Variants in ZKSCAN7 observed in about 807,000 individuals in gnomAD.
The protein encoded by ZKSCAN7 is zinc finger protein with KRAB and SCAN domains 7.
A neutral mutation model predicts 65.3 loss-of-function variants in ZKSCAN7; 38 were observed. The ratio of observed to expected loss-of-function variants is 0.58; its 90% confidence interval spans 0.45 to 0.76. The LOEUF is 0.76. Among genes scored for constraint, ZKSCAN7 ranks in the 30% least tolerant of loss-of-function variants. The probability of loss-of-function intolerance (pLI) is 0.00; values close to 1 mark genes in which losing one functional copy is unlikely to be tolerated. For synonymous variants in ZKSCAN7, 321 were observed against 321.0 expected, an observed-to-expected ratio of 1.00 and a Z score of 0.00; for missense variants, 815 against 913.3, an observed-to-expected ratio of 0.89 and a Z score of 1.39.
At chr3:44,579,762 C>T (rs1027612749) in intron 5 of ZKSCAN7, among the ~76,000 whole-genome samples, 2 of 152,200 alleles carry the variant, frequency 1.3e-5, no homozygotes, top group African/African-American at 2.4e-5. Flanking sequence ...TCGGCTGCCT[C>T]CTCAGCCACT....
chr3:44,575,012 G>A (rs1699894966), downstream of ZKSCAN7, among the ~76,000 whole-genome samples: 1 of 152,144 alleles, frequency 6.6e-6, no homozygotes, highest in South Asian at 2.1e-4. Context: ...TCTGGGTCCA[G>A]TCAGGTGTGG....
In ZKSCAN7 at chr3:44,570,290, C is replaced by A. The variant is rs201321192; in HGVS notation, c.1180C>A (p.Arg394=). 1 of 1,614,162 alleles carries A rather than the reference C, an allele frequency of 6.2e-7. No individual in the cohort carries two copies. Among genetic ancestry groups the A allele is most frequent in the South Asian group, 1.1e-5 (1 of 91,074 alleles). ...RCDECGKAFN[R]SSHLIGHQRI... is the part of the protein sequence containing the mutation. ...TGATGAATGTGGCAAAGCTTTCAATCGGAGTTCTCACCTTATTGGCCATCA... is the reference window on the plus strand; with the variant it reads ...TGATGAATGTGGCAAAGCTTTCAATAGGAGTTCTCACCTTATTGGCCATCA... The change falls in exon 6 of 6, where the codon CGG becomes AGG. Residue 394 remains arginine (R), a synonymous_variant. Transcript: ENST00000426540.
intron 2 of ZKSCAN7, among the ~76,000 whole-genome samples, chr3:44,561,047 A>G (rs1332759311): frequency 6.6e-6 from 1 of 152,200 alleles, no homozygotes; most frequent in Non-Finnish European, 1.5e-5. Flanking sequence ...CCATATTAGA[A>G]TGAGGTTTTC....
chr3:44,571,638 T>C lies in ZKSCAN7; in HGVS notation c.*263T>C. The C allele has an allele frequency of 7.6e-7, 1 of 1,309,708 alleles. No homozygotes were observed. The highest frequency in any genetic ancestry group is 1.9e-5 in the South Asian group (1 of 51,876). The allele number at this position is 1,309,708 out of a possible 1,614,324, so 81.1% of individuals were successfully genotyped here. A position where few individuals can be genotyped will look rare whatever the true frequency, so the allele number is the denominator to read the frequency against. ...TAAATTTTAACTTTTAAAATCTATTTCATTTCTTAGTTATGCATCTCATAA... is the reference window on the plus strand; with the variant it reads ...TAAATTTTAACTTTTAAAATCTATTCCATTTCTTAGTTATGCATCTCATAA... On this transcript the variant is annotated 3_prime_UTR_variant, in exon 6 of 6. Coordinates refer to ENST00000426540, the MANE Select transcript of ZKSCAN7 (RefSeq NM_001288590.2).
intron 5 of ZKSCAN7, chr3:44,581,036 G>A (rs2125737181): frequency 1.3e-5 from 20 of 1,482,212 alleles, no homozygotes; most frequent in Non-Finnish European, 1.5e-5. Context: ...TGGTCGGCGC[G>A]GCGGCGGCGG....
chr3:44,581,731 C>T (rs771824556), intron 5 of ZKSCAN7, among the ~76,000 whole-genome samples: 10 of 152,156 alleles, frequency 6.6e-5, no homozygotes, highest in Non-Finnish European at 1.2e-4. Flanking sequence ...AGTGAAGGTG[C>T]TGGGAGTGGT....
In ZKSCAN7 at chr3:44,579,389, C is replaced by T. The variant is rs145770909; in HGVS notation, c.812-3583C>T. 7.1e-3 allele frequency among the ~76,000 whole-genome samples: 1,089 copies of T among 152,326 alleles called. 13 individuals carry two copies. Among genetic ancestry groups the T allele is most frequent in the African/African-American group, 0.025 (1,043 of 41,578 alleles). On this transcript the variant is annotated intron_variant, in intron 5 of 5. Transcript: ENST00000341840. The stretch of plus-strand genomic sequence containing the variant: ...CTGATTCAGGGCCTGCTGGATGGGA[C>T]GGAACTCAGCCCAGTCAAAGGTCTT...
chr3:44,577,693 C>G (rs1468600847), intron 5 of ZKSCAN7, among the ~76,000 whole-genome samples: 1 of 152,160 alleles, frequency 6.6e-6, no homozygotes, highest in Non-Finnish European at 1.5e-5. Context: ...GCCCCCACTG[C>G]TGGCCTAATT....
intron 5 of ZKSCAN7, chr3:44,578,144 C>T (rs1699964011): frequency 6.6e-7 from 1 of 1,518,512 alleles, no homozygotes; most frequent in African/African-American, 1.4e-5. Context: ...CCTTAAGCTG[C>T]TCTTTCAACC....
chr3:44,579,619 C>G (rs1277481000), intron 5 of ZKSCAN7, among the ~76,000 whole-genome samples: 1 of 152,170 alleles, frequency 6.6e-6, no homozygotes, highest in African/African-American at 2.4e-5. Flanking sequence ...GGATCCAGTT[C>G]CGCCGAATCC....
At chr3:44,563,645 C>T (rs536844429) in intron 2 of ZKSCAN7, among the ~76,000 whole-genome samples, 2 of 47,758 alleles carry the variant, frequency 4.2e-5, no homozygotes, top group South Asian at 6.5e-4. Flanking sequence ...GGGAAATCTT[C>T]CCCCCCTACC....
chr3:44,578,367 C>T (rs937378192), intron 5 of ZKSCAN7: 1 of 1,610,008 alleles, frequency 6.2e-7, no homozygotes, highest in African/African-American at 1.3e-5. Flanking sequence ...AGGGGTGACC[C>T]AGTGGCCTCC....
rs574418703 is a variant in ZKSCAN7, at chr3:44,565,002, C to T, written c.424-485C>T. ...ACTTTTAGTAGAGACAGGATTTCGCCATGTTGGCTAGGCTGGTCTCGAACT... is the reference window on the plus strand; with the variant it reads ...ACTTTTAGTAGAGACAGGATTTCGCTATGTTGGCTAGGCTGGTCTCGAACT... On this transcript the variant is annotated intron_variant, in intron 2 of 5. Transcript: ENST00000426540. 2.7e-3 allele frequency among the ~76,000 whole-genome samples: 409 copies of T among 152,262 alleles called. 1 individual carries two copies. The highest frequency in any genetic ancestry group is 9.5e-3 in the African/African-American group (395 of 41,572).
At position 44,572,060 on chromosome 3, in the gene ZKSCAN7, A is replaced by C; in HGVS notation, c.*685A>C. The C allele has an allele frequency of 2.0e-6, 2 of 985,384 alleles. No individual in the cohort carries two copies. The highest frequency in any genetic ancestry group is 2.4e-6 in the Non-Finnish European group (2 of 829,886). The allele number at this position is 985,384 out of a possible 1,614,324, so 61.0% of individuals were successfully genotyped here. A position where few individuals can be genotyped will look rare whatever the true frequency, so the allele number is the denominator to read the frequency against. On this transcript the variant is annotated 3_prime_UTR_variant, in exon 6 of 6. Transcript: ENST00000426540. ...TGCGTGTCTGTATACTTTTATACCA[A>C]CTTATTGTAGGCTCTTTGAGGTCAG...
At position 44,570,046 on chromosome 3, in the gene ZKSCAN7, A is replaced by C. The variant is rs1220040644; in HGVS notation, c.936A>C (p.Gly312=). 1 of 1,613,924 alleles carries C rather than the reference A, an allele frequency of 6.2e-7. No individual in the cohort carries two copies. Among genetic ancestry groups the C allele is most frequent in the East Asian group, 2.2e-5 (1 of 44,890 alleles). Residue 312 remains glycine (G), a synonymous_variant, in exon 6 of 6, where the codon GGA becomes GGC. Coordinates refer to ENST00000426540, the MANE Select transcript of ZKSCAN7 (RefSeq NM_001288590.2). The stretch of plus-strand genomic sequence containing the variant: ...TGGTTCCTGGGGCAGCAGAGACTGG[A>C]GATGTTTGTGAAGATACTTTCAAGG... ...FGVVPGAAET[G]DVCEDTFKEL...
chr3:44,577,988 A>G (rs1052799084), intron 5 of ZKSCAN7, among the ~76,000 whole-genome samples: 1 of 151,980 alleles, frequency 6.6e-6, no homozygotes, highest in South Asian at 2.1e-4. Flanking sequence ...CTTCCTTCAG[A>G]CTCTTGGACC....
At chr3:44,568,568 T>C (rs1699702161) in intron 5 of ZKSCAN7, 135 bp downstream of exon 5, 14 of 1,265,736 alleles carry the variant, frequency 1.1e-5, no homozygotes, top group Non-Finnish European at 1.5e-5. Flanking sequence ...ATAGGGACCC[T>C]TTCTGCATTC....
At chr3:44,574,480 C>T (rs766547723), downstream of ZKSCAN7, among the ~76,000 whole-genome samples, 1 of 152,154 alleles carries the variant, frequency 6.6e-6, no homozygotes, top group Non-Finnish European at 1.5e-5. Context: ...GATAACAGGT[C>T]TTCTATGTCT....
At chr3:44,566,004 C>T (rs759368192) in intron 3 of ZKSCAN7, among the ~76,000 whole-genome samples, 2 of 152,276 alleles carry the variant, frequency 1.3e-5, no homozygotes, top group Non-Finnish European at 2.9e-5. Flanking sequence ...TATCTATCCT[C>T]AAGCATTTGA....
Sources: allele counts gnomAD v4.1 joint callset (sites outside exome capture counted in the v4.1 genomes callset), GRCh38; gene constraint gnomAD v4.1.1; transcripts MANE v1.5; gene names NCBI Gene and HGNC (gene_info 2026-07-23, HGNC 2026-07-21).